Variants in ELMO1 observed in about 807,000 individuals in gnomAD.
ELMO1 encodes engulfment and cell motility protein 1.
Under a neutral mutation model 98.9 loss-of-function variants are expected in ELMO1, and 26 were observed. That is an observed-to-expected ratio of 0.26 (90% confidence interval 0.19 to 0.36). The LOEUF (loss-of-function observed/expected upper bound fraction) is 0.36, where lower values mean the gene tolerates loss of function less well. Among genes scored for constraint, ELMO1 ranks in the 10% least tolerant of loss-of-function variants. The pLI is 1.00. For synonymous variants in ELMO1, 346 were observed against 346.0 expected, an observed-to-expected ratio of 1.00 and a Z score of 0.00; for missense variants, 627 against 935.2, an observed-to-expected ratio of 0.67 and a Z score of 4.30.
At chr7:37,439,146 C>T (rs1562693007) in intron 1 of ELMO1, among the ~76,000 whole-genome samples, 2 of 152,144 alleles carry the variant, frequency 1.3e-5, no homozygotes. Flanking sequence ...TTCCTCTGCC[C>T]CTCCCTCCAG....
At chr7:37,041,946 A>G (rs998726569) in intron 15 of ELMO1, among the ~76,000 whole-genome samples, 2 of 152,104 alleles carry the variant, frequency 1.3e-5, no homozygotes, top group Non-Finnish European at 2.9e-5. Context: ...ATTTCACGAT[A>G]TATGTAATTG....
At chr7:37,391,233 C>T (rs2131420526) in intron 1 of ELMO1, among the ~76,000 whole-genome samples, 1 of 152,306 alleles carries the variant, frequency 6.6e-6, no homozygotes, top group African/African-American at 2.4e-5. Context: ...TCTCCTGCCT[C>T]AGCCTCCTGA....
intron 16 of ELMO1, among the ~76,000 whole-genome samples, chr7:36,979,124 G>A (rs1481870683): frequency 2.0e-5 from 3 of 152,102 alleles, no homozygotes; most frequent in Non-Finnish European, 4.4e-5. Flanking sequence ...TAATGCTAGA[G>A]GGTTGGGGTA....
At chr7:36,862,412 G>A (rs1334584453) in intron 20 of ELMO1, among the ~76,000 whole-genome samples, 3 of 152,216 alleles carry the variant, frequency 2.0e-5, no homozygotes, top group Admixed American at 6.5e-5. Flanking sequence ...GAAAACCTAC[G>A]GAGTGCACGC....
intron 16 of ELMO1, among the ~76,000 whole-genome samples, chr7:36,964,102 C>T (rs563882629): frequency 6.6e-6 from 1 of 152,322 alleles, no homozygotes; most frequent in Non-Finnish European, 1.5e-5. Flanking sequence ...AAGGCTTGCA[C>T]TCCCTAGAGT....
At chr7:36,890,056 C>A (rs1050108981) in intron 17 of ELMO1, among the ~76,000 whole-genome samples, 40 of 152,178 alleles carry the variant, frequency 2.6e-4, no homozygotes, top group African/African-American at 9.2e-4. Flanking sequence ...TATCTGCCCT[C>A]TGGGGTAAGC....
At chr7:37,126,300 A>AAAATAT (rs528749767) in intron 14 of ELMO1, among the ~76,000 whole-genome samples, 1 of 134,120 alleles carries the variant, frequency 7.5e-6, no homozygotes, top group Admixed American at 7.5e-5. Context: ...GTATAATTTA[A>AAAATAT]ATATATATAT....
chr7:36,887,857 C>T (rs896065719), intron 17 of ELMO1, among the ~76,000 whole-genome samples, 185 bp from the exon 18 acceptor site: 6 of 152,134 alleles, frequency 3.9e-5, no homozygotes, highest in African/African-American at 1.4e-4. Flanking sequence ...AGTACAACAC[C>T]ACAATAGATT....
At chr7:37,332,697 C>T (rs1206786877) in intron 2 of ELMO1, among the ~76,000 whole-genome samples, 1 of 152,190 alleles carries the variant, frequency 6.6e-6, no homozygotes, top group African/African-American at 2.4e-5. Flanking sequence ...ATGATGAGAA[C>T]TCAGATGGTG....
intron 15 of ELMO1, among the ~76,000 whole-genome samples, chr7:37,023,682 A>T (rs1160033864): frequency 6.6e-6 from 1 of 152,136 alleles, no homozygotes; most frequent in Admixed American, 6.6e-5. Flanking sequence ...ATCTCGGCTC[A>T]CTGCAACCCC....
chr7:37,002,278 T>C (rs749462934), intron 16 of ELMO1: 10 of 152,214 alleles, frequency 6.6e-5, no homozygotes, highest in Non-Finnish European at 1.3e-4. Context: ...CATGCACATC[T>C]CAACTGGCCC....
At chr7:36,987,807 GA>G (rs1430717434) in intron 16 of ELMO1, among the ~76,000 whole-genome samples, 2 of 152,162 alleles carry the variant, frequency 1.3e-5, no homozygotes, top group African/African-American at 2.4e-5. Context: ...AGTCTTGCTG[GA>G]GTGCAATGGT....
chr7:36,969,364 ATTCATTTC>A (rs1789719060), intron 16 of ELMO1, among the ~76,000 whole-genome samples: 3 of 152,076 alleles, frequency 2.0e-5, no homozygotes. Context: ...CTATATTTTT[ATTCATTTC>A]TTCTTGCATT....
At chr7:37,290,962 C>G (rs1797649162) in intron 4 of ELMO1, among the ~76,000 whole-genome samples, 1 of 152,084 alleles carries the variant, frequency 6.6e-6, no homozygotes, top group African/African-American at 2.4e-5. Flanking sequence ...AAGAAAAAGG[C>G]ACAGACATTC....
At chr7:36,883,394 A>G (rs190004822) in intron 18 of ELMO1, among the ~76,000 whole-genome samples, 1 of 152,312 alleles carries the variant, frequency 6.6e-6, no homozygotes, top group East Asian at 1.9e-4. Context: ...TGAAGCAAAT[A>G]GTGGCTGGTA....
intron 10 of ELMO1, 62 bp downstream of exon 10, chr7:37,222,553 G>T: frequency 6.6e-7 from 1 of 1,511,066 alleles, no homozygotes; most frequent in Non-Finnish European, 9.2e-7. Context: ...AGGAGAGGGC[G>T]TTCTCTGCAC....
At chr7:37,091,736 G>A (rs1470827380) in intron 15 of ELMO1, among the ~76,000 whole-genome samples, 1 of 152,150 alleles carries the variant, frequency 6.6e-6, no homozygotes, top group Non-Finnish European at 1.5e-5. Flanking sequence ...AGAAAAAGAG[G>A]TTTAATGGAC....
chr7:37,043,231 CTAAAAGCCATA>C (rs1200164085), intron 15 of ELMO1, among the ~76,000 whole-genome samples: 1 of 152,160 alleles, frequency 6.6e-6, no homozygotes, highest in Non-Finnish European at 1.5e-5. Flanking sequence ...CTTGTCTCAG[CTAAAAGCCATA>C]AGAAAGCCTA....
intron 4 of ELMO1, among the ~76,000 whole-genome samples, chr7:37,308,417 A>G (rs1027581493): frequency 2.0e-5 from 3 of 152,308 alleles, no homozygotes; most frequent in Middle Eastern, 3.4e-3. Context: ...CGCTGGCTTT[A>G]TCACTATTTC....
Sources: allele counts gnomAD v4.1 joint callset (sites outside exome capture counted in the v4.1 genomes callset), GRCh38; gene constraint gnomAD v4.1.1; transcripts MANE v1.5; gene names NCBI Gene and HGNC (gene_info 2026-07-23, HGNC 2026-07-21).